PRRT3: variants seen among roughly 807,000 people sequenced by gnomAD.
The protein encoded by PRRT3 is proline-rich transmembrane protein 3.
A neutral mutation model predicts 56.6 loss-of-function variants in PRRT3; 48 were observed. The observed-to-expected ratio is 0.85, with a 90% CI of 0.67 to 1.08. The LOEUF is 1.08. Ranked by LOEUF, PRRT3 falls within the 50% of genes least tolerant of loss-of-function variation. The probability of loss-of-function intolerance (pLI) is 0.00; values close to 1 mark genes in which losing one functional copy is unlikely to be tolerated. For synonymous variants in PRRT3, 641 were observed against 619.1 expected (o/e 1.04, Z -0.52); for missense variants, 1,370 against 1,353.1 (o/e 1.01, Z -0.20).
At position 9,946,300 on chromosome 3, in the gene PRRT3, C is replaced by A; in HGVS notation, c.2873G>T (p.Gly958Val). 1 of 1,612,708 alleles carries A rather than the reference C, an allele frequency of 6.2e-7. No homozygotes were observed. Among genetic ancestry groups the A allele is most frequent in the South Asian group, 1.1e-5 (1 of 90,982 alleles). ...GCCGCGCGGCTGGACCTCTCCCTGG[C>A]CGTCCCCCTGCCGAGCGGCGGTAGA... ...PDSTAARQGD[G>V]QGEVQPRGKP... is the part of the protein sequence containing the mutation. The change falls in exon 4 of 4, where the codon GGC becomes GTC. Residue 958 changes from glycine (G) to valine (V), a missense_variant. Transcript: ENST00000412055. The surrounding 1 kb of genome is among the most constrained non-coding windows in gnomAD (Gnocchi z 4.1).
chr3:9,946,158 T>C lies in PRRT3; in HGVS notation c.*69A>G. 6.5e-7 allele frequency: 1 copy of C among 1,535,708 alleles called. No individual in the cohort carries two copies. Among genetic ancestry groups the C allele is most frequent in the South Asian group, 1.2e-5 (1 of 80,732 alleles). ...GCCAGGATGCCCATTTTTTAAAGGC[T>C]CAACTGTCCCAGTAGGCCATGCCAT... On this transcript the variant is annotated 3_prime_UTR_variant, in exon 4 of 4. Transcript: ENST00000412055. This position sits in a 1 kb window ranked among gnomAD's most constrained non-coding sequence, Gnocchi z 4.1.
chr3:9,950,973 A>C (rs1163852360), intron 1 of PRRT3, among the ~76,000 whole-genome samples: 1 of 152,216 alleles, frequency 6.6e-6, no homozygotes, highest in African/African-American at 2.4e-5. Context: ...AATGGGGATA[A>C]TAAGCATGCC....
In PRRT3 at chr3:9,950,149, C is replaced by T. The variant is rs761872541; in HGVS notation, c.-34G>A. On this transcript the variant is annotated 5_prime_UTR_variant, in exon 2 of 4. The change creates a new upstream start codon in the 5' untranslated region. Coordinates refer to ENST00000412055, the MANE Select transcript of PRRT3 (RefSeq NM_207351.5). ...CCGATGCCTGGGCCTAAAGCCCCCA[C>T]CTTCCAGTCCTCACTGGATGAGCCT... 6 of 1,386,474 alleles carry T rather than the reference C, an allele frequency of 4.3e-6. No homozygotes were observed. Among genetic ancestry groups the T allele is most frequent in the Non-Finnish European group, 5.6e-6 (6 of 1,064,406 alleles). The allele number at this position is 1,386,474 out of a possible 1,614,324, so 85.9% of individuals were successfully genotyped here.
chr3:9,951,912 G>C (rs1044319645), intron 1 of PRRT3, among the ~76,000 whole-genome samples: 2 of 152,194 alleles, frequency 1.3e-5, no homozygotes, highest in African/African-American at 4.8e-5. Flanking sequence ...CGAGAAAACG[G>C]CTGAATGGGG....
Position 9,949,275 on chromosome 3 carries a change from C to A in PRRT3, c.841G>T (p.Ala281Ser). 1 of 1,606,854 alleles carries A rather than the reference C, an allele frequency of 6.2e-7. No individual in the cohort carries two copies. Among genetic ancestry groups the A allele is most frequent in the Non-Finnish European group, 8.5e-7 (1 of 1,175,386 alleles). The change falls in exon 2 of 4, where the codon GCT becomes TCT. Residue 281 changes from alanine to serine, a missense_variant. Ala to Ser is a moderately conservative substitution (Grantham distance 99). Coordinates refer to ENST00000412055, the MANE Select transcript of PRRT3 (RefSeq NM_207351.5). The surrounding 1 kb of genome is among the most constrained non-coding windows in gnomAD (Gnocchi z 4.5). ...GGGGTCTCAACCGGCAGCTCCTCAG[C>A]AGGAGGAAGGCTTCTGGCCAATGCC... Reference protein sequence around the residue: ...DLALARSLPPAEELPVETPKR... With the variant: ...DLALARSLPPSEELPVETPKR...
chr3:9,948,572 C>A (rs1259381814), intron 3 of PRRT3, 186 bp downstream of exon 3: 1 of 667,974 alleles, frequency 1.5e-6, no homozygotes, highest in Non-Finnish European at 2.6e-6. Context: ...CAAATGACTT[C>A]TCCCAGATTT....
intron 1 of PRRT3, among the ~76,000 whole-genome samples, chr3:9,951,288 CT>C (rs2085616666): frequency 6.6e-6 from 1 of 152,150 alleles, no homozygotes; most frequent in Admixed American, 6.5e-5. Flanking sequence ...GAGCTGAAGC[CT>C]GGGTGTGTTT....
chr3:9,947,595 G>A lies in PRRT3; in HGVS notation c.1578C>T (p.Tyr526=), dbSNP rs1407130380. The change falls in exon 4 of 4, where the codon TAC becomes TAT. Residue 526 remains tyrosine (Y), a synonymous_variant. Coordinates refer to ENST00000412055, the MANE Select transcript of PRRT3 (RefSeq NM_207351.5). This position sits in a 1 kb window ranked among gnomAD's most constrained non-coding sequence, Gnocchi z 9.2. ...LRSAYMLTDP[Y]GSQARLGVRG... The stretch of plus-strand genomic sequence containing the variant: ...GAACGCCCAGCCGCGCCTGCGAGCC[G>A]TAAGGGTCGGTAAGCATGTAGGCGG... 2 of 1,600,826 alleles carry A rather than the reference G, an allele frequency of 1.2e-6. No homozygotes were observed. Among genetic ancestry groups the A allele is most frequent in the South Asian group, 1.1e-5 (1 of 89,590 alleles).
At position 9,947,387 on chromosome 3, in the gene PRRT3, C is replaced by T. The variant is rs746020956; in HGVS notation, c.1786G>A (p.Val596Met). Residue 596 changes from valine to methionine, a missense_variant, in exon 4 of 4, where the codon GTG (valine) becomes ATG (methionine). Transcript: ENST00000412055. This position sits in a 1 kb window ranked among gnomAD's most constrained non-coding sequence, Gnocchi z 9.2. Reference protein sequence around the residue: ...LATDLLSTWSVLNLLTQGLSC... With the variant: ...LATDLLSTWSMLNLLTQGLSC... ...AAGCCCTGCGTCAGGAGGTTGAGCACAGACCATGTGGACAGCAGGTCTGTC... is the reference window on the plus strand; with the variant it reads ...AAGCCCTGCGTCAGGAGGTTGAGCATAGACCATGTGGACAGCAGGTCTGTC... 1.3e-5 allele frequency: 21 copies of T among 1,612,284 alleles called. No homozygotes were observed. The highest frequency in any genetic ancestry group is 1.7e-5 in the Non-Finnish European group (20 of 1,179,590).
Position 9,946,520 on chromosome 3 carries a change from G to T in PRRT3, c.2653C>A (p.Pro885Thr), listed in dbSNP as rs1559341598. 6 of 1,496,320 alleles carry T rather than the reference G, an allele frequency of 4.0e-6. No individual in the cohort carries two copies. The South Asian group carries it at 7.7e-5, about 19-fold the overall frequency. 92.7% of individuals were successfully genotyped at this position (1,496,320 alleles called of 1,614,324 possible). Residue 885 changes from proline (P) to threonine (T), a missense_variant, in exon 4 of 4, where the codon CCA becomes ACA. By Grantham distance (38) the Pro-to-Thr change is conservative (BLOSUM62 -1). Transcript: ENST00000412055. This position sits in a 1 kb window ranked among gnomAD's most constrained non-coding sequence, Gnocchi z 4.1. ...LSDVRVRGPV[P>T]QHVVEAPDGA... is the part of the protein sequence containing the mutation. ...TCGGGTGCTTCCACTACGTGCTGTG[G>T]GACCGGCCCGCGCACGCGCACGTCG...
At chr3:9,948,157 GT>G in intron 3 of PRRT3, 156 bp from the exon 4 acceptor site, 1 of 740,002 alleles carries the variant, frequency 1.4e-6, no homozygotes, top group Non-Finnish European at 1.9e-6. Flanking sequence ...AAGATGAAAT[GT>G]TTAGCCCGGT....
At position 9,947,809 on chromosome 3, in the gene PRRT3, G is replaced by T. The variant is rs765548493; in HGVS notation, c.1364C>A (p.Ala455Glu). Reference protein sequence around the residue: ...PASSPPANATAPPLRWGPLRR... With the variant: ...PASSPPANATEPPLRWGPLRR... ...AAGGGGGCCCCAGCGTAGCGGGGGTGCAGTGGCGTTGGCTGGGGGGCTGGA... is the reference window on the plus strand; with the variant it reads ...AAGGGGGCCCCAGCGTAGCGGGGGTTCAGTGGCGTTGGCTGGGGGGCTGGA... The change falls in exon 4 of 4, where the codon GCA (alanine) becomes GAA (glutamate). Residue 455 changes from alanine to glutamate, a missense_variant. Transcript: ENST00000412055. The surrounding 1 kb of genome is among the most constrained non-coding windows in gnomAD (Gnocchi z 9.2). The T allele has an allele frequency of 2.0e-5, 29 of 1,449,762 alleles. No homozygotes were observed. Among genetic ancestry groups the T allele is most frequent in the Non-Finnish European group, 2.5e-5 (28 of 1,101,544 alleles). 89.8% of individuals were successfully genotyped at this position (1,449,762 alleles called of 1,614,324 possible).
At position 9,947,654 on chromosome 3, in the gene PRRT3, C is replaced by T; in HGVS notation, c.1519G>A (p.Ala507Thr). ...PAGPRLALVAAVLVLVASALR... is the reference protein window; with the variant it reads ...PAGPRLALVATVLVLVASALR... ...GCCGAAGCCACGAGCACCAGCACCG[C>T]GGCCACCAATGCCAGCCGGGGCCCT... Residue 507 changes from alanine to threonine, a missense_variant, in exon 4 of 4, where the codon GCG (alanine) becomes ACG (threonine). Coordinates refer to ENST00000412055, the MANE Select transcript of PRRT3 (RefSeq NM_207351.5). This position sits in a 1 kb window ranked among gnomAD's most constrained non-coding sequence, Gnocchi z 9.2. 5.7e-6 allele frequency: 9 copies of T among 1,570,950 alleles called. 1 individual carries two copies. In the South Asian group the frequency reaches 7.0e-5, roughly 12 times the overall value.
At position 9,947,956 on chromosome 3, in the gene PRRT3, G is replaced by T; in HGVS notation, c.1217C>A (p.Ala406Glu). Residue 406 changes from alanine (A) to glutamate (E), a missense_variant, in exon 4 of 4, where the codon GCA becomes GAA. Coordinates refer to ENST00000412055, the MANE Select transcript of PRRT3 (RefSeq NM_207351.5). The surrounding 1 kb of genome is among the most constrained non-coding windows in gnomAD (Gnocchi z 9.2). Reference sequence around the variant, plus strand: ...CGTCGAGGGGGCCTGGACTGGGGGTGCTGGGGGATGGCTTTGGGGGCGCCC... The same window carrying T: ...CGTCGAGGGGGCCTGGACTGGGGGTTCTGGGGGATGGCTTTGGGGGCGCCC... ...WPGRPQSHPP[A>E]PPVQAPSTSR... is the part of the protein sequence containing the mutation. The T allele has an allele frequency of 7.2e-7, 1 of 1,381,730 alleles. No individual in the cohort carries two copies. The highest frequency in any genetic ancestry group is 9.3e-7 in the Non-Finnish European group (1 of 1,070,558). 85.6% of individuals were successfully genotyped at this position (1,381,730 alleles called of 1,614,324 possible).
rs759431362 is a variant in PRRT3 at position 9,949,297 on chromosome 3, T to C, written c.819A>G (p.Ala273=). The change falls in exon 2 of 4, where the codon GCA becomes GCG. Residue 273 remains alanine, a synonymous_variant. Coordinates refer to ENST00000412055, the MANE Select transcript of PRRT3 (RefSeq NM_207351.5). This position sits in a 1 kb window ranked among gnomAD's most constrained non-coding sequence, Gnocchi z 4.5. ...SQEPGAQPDL[A]LARSLPPAEE... ...CAGCAGGAGGAAGGCTTCTGGCCAA[T>C]GCCAAGTCTGGCTGGGCCCCTGGCT... 1.2e-6 allele frequency: 2 copies of C among 1,612,450 alleles called. No individual in the cohort carries two copies. The highest frequency in any genetic ancestry group is 4.5e-5 in the East Asian group (2 of 44,848).
At position 9,947,287 on chromosome 3, in the gene PRRT3, C is replaced by T. The variant is rs1334339340; in HGVS notation, c.1886G>A (p.Arg629Gln). The change falls in exon 4 of 4, where the codon CGG becomes CAG. Residue 629 changes from arginine to glutamine, a missense_variant. Transcript: ENST00000412055. This position sits in a 1 kb window ranked among gnomAD's most constrained non-coding sequence, Gnocchi z 9.2. ...LCRRRLLDGP[R>Q]GWDASPGPRL... ...AGGGCCCGGGCTGGCATCCCAGCCC[C>T]GTGGGCCGTCCAGCAGGCGGCGACG... 6 of 1,558,842 alleles carry T rather than the reference C, an allele frequency of 3.8e-6. No homozygotes were observed. The South Asian group carries it at 6.9e-5, about 18-fold the overall frequency.
rs2085533729 is a variant in PRRT3, at chr3:9,946,895, C to T, written c.2278G>A (p.Glu760Lys). The change falls in exon 4 of 4, where the codon GAG becomes AAG. Residue 760 changes from glutamate to lysine, a missense_variant. Glu to Lys is a moderately conservative substitution (Grantham distance 56). Transcript: ENST00000412055. The surrounding 1 kb of genome is among the most constrained non-coding windows in gnomAD (Gnocchi z 4.1). The part of the protein sequence containing the change: ...ISKSLIRNPA[E>K]SGQLATPSSG... ...CTGGGCGTGGCCAGCTGCCCACTCTCCGCCGGGTTGCGGATGAGGCTCTTG... is the reference window on the plus strand; with the variant it reads ...CTGGGCGTGGCCAGCTGCCCACTCTTCGCCGGGTTGCGGATGAGGCTCTTG... The T allele has an allele frequency of 1.3e-6, 2 of 1,539,212 alleles. No homozygotes were observed. The highest frequency in any genetic ancestry group is 1.7e-6 in the Non-Finnish European group (2 of 1,148,110).
At position 9,947,636 on chromosome 3, in the gene PRRT3, C is replaced by T; in HGVS notation, c.1537G>A (p.Ala513Thr). The T allele has an allele frequency of 6.3e-7, 1 of 1,575,592 alleles. No individual in the cohort carries two copies. Residue 513 changes from alanine (A) to threonine (T), a missense_variant, in exon 4 of 4, where the codon GCT becomes ACT. Physicochemically the swap from Ala to Thr is moderately conservative, Grantham distance 58 (BLOSUM62 0). Transcript: ENST00000412055. This position sits in a 1 kb window ranked among gnomAD's most constrained non-coding sequence, Gnocchi z 9.2. ...ALVAAVLVLV[A>T]SALRSAYMLT... The stretch of plus-strand genomic sequence containing the variant: ...ATGTAGGCGGATCGCAGCGCCGAAG[C>T]CACGAGCACCAGCACCGCGGCCACC...
rs2085553134 is a variant in PRRT3 at position 9,947,740 on chromosome 3, AC to A, written c.1432del (p.Val478TrpfsTer78). On this transcript the variant is annotated frameshift_variant, in exon 4 of 4. Transcript: ENST00000412055. LOFTEE classifies it high-confidence loss of function. The surrounding 1 kb of genome is among the most constrained non-coding windows in gnomAD (Gnocchi z 9.2). ...CGCGGGCAGCAGAAAGAGTACCCCCACCCCGTAGACGTGCAGCTCCCAGGAG... is the reference window on the plus strand; with the variant it reads ...CGCGGGCAGCAGAAAGAGTACCCCCACCCGTAGACGTGCAGCTCCCAGGAG... ...SFSWELHVYG[V>X]GVLFLLPALL... 6.5e-7 allele frequency: 1 copy of A among 1,532,918 alleles called. No individual in the cohort carries two copies. The highest frequency in any genetic ancestry group is 1.3e-5 in the South Asian group (1 of 79,036). 95.0% of individuals were successfully genotyped at this position (1,532,918 alleles called of 1,614,324 possible). A position where few individuals can be genotyped will look rare whatever the true frequency, so the allele number is the denominator to read the frequency against.
Sources: gnomAD v4.1 joint callset for allele counts (sites outside exome capture counted in the v4.1 genomes callset) on GRCh38, gnomAD v4.1.1 for gene constraint, Gnocchi (gnomAD v3.1) non-coding constraint, MANE v1.5 for transcripts, NCBI Gene and HGNC (gene_info 2026-07-23, HGNC 2026-07-21) for gene names.